Variants in SCP2 observed in about 807,000 individuals in gnomAD.
The protein encoded by SCP2 is sterol carrier protein 2.
Under a neutral mutation model 71.4 loss-of-function variants are expected in SCP2, and 48 were observed. The observed-to-expected ratio is 0.67, with a 90% CI of 0.53 to 0.86. The LOEUF is 0.86. SCP2 is among the 40% of genes least tolerant of loss of function. The pLI is 0.00. For missense variants in SCP2, 560 were observed against 655.6 expected, an observed-to-expected ratio of 0.85 and a Z score of 1.59; for synonymous variants, 220 against 218.1, an observed-to-expected ratio of 1.01 and a Z score of -0.08.
intron 11 of SCP2, among the ~76,000 whole-genome samples, chr1:52,990,733 C>CAAAAA (rs61221989): frequency 8.0e-5 from 5 of 62,422 alleles, no homozygotes; most frequent in Admixed American, 2.5e-4. Context: ...GACTCCGTCT[C>CAAAAA]AAAAAAAAAA....
chr1:53,022,973 T>TA (rs994970327), intron 12 of SCP2, among the ~76,000 whole-genome samples: 27 of 152,174 alleles, frequency 1.8e-4, no homozygotes, highest in African/African-American at 6.0e-4. Flanking sequence ...TAAACCAAAT[T>TA]AAAAAAATAA....
intron 11 of SCP2, among the ~76,000 whole-genome samples, chr1:52,999,559 A>G (rs926777158): frequency 6.6e-6 from 1 of 152,212 alleles, no homozygotes; most frequent in Admixed American, 6.5e-5. Context: ...TCTACCTGCC[A>G]TAACAGTATC....
chr1:52,959,623 C>T (rs1656151321), intron 5 of SCP2, among the ~76,000 whole-genome samples: 1 of 151,652 alleles, frequency 6.6e-6, no homozygotes, highest in Non-Finnish European at 1.5e-5. Flanking sequence ...TTGAGGTTGT[C>T]TATTTTTTTT....
At chr1:53,002,528 G>A (rs926109733) in intron 11 of SCP2, among the ~76,000 whole-genome samples, 1 of 152,188 alleles carries the variant, frequency 6.6e-6, no homozygotes, top group Non-Finnish European at 1.5e-5. Context: ...CAGAGAGGCT[G>A]TGCACAAAAA....
At chr1:53,026,672 TG>T (rs1384015446) in intron 12 of SCP2, among the ~76,000 whole-genome samples, 1 of 152,098 alleles carries the variant, frequency 6.6e-6, no homozygotes, top group Non-Finnish European at 1.5e-5. Flanking sequence ...TAGCTGGGCA[TG>T]GTGGCATGCG....
chr1:53,031,405 A>G (rs1246237896), intron 13 of SCP2, among the ~76,000 whole-genome samples: 3 of 152,204 alleles, frequency 2.0e-5, no homozygotes, highest in Non-Finnish European at 4.4e-5. Context: ...AGAAAGTAAA[A>G]GTCTTGGAAT....
chr1:52,993,789 G>A (rs6657017), intron 11 of SCP2: 147,666 of 1,553,910 alleles, frequency 0.095, 11,026 homozygotes, highest in East Asian at 0.32. Context: ...TCCTCCCCCA[G>A]CACCAAGAGG....
intron 13 of SCP2, among the ~76,000 whole-genome samples, chr1:53,037,948 TATACAC>T (rs1557627905): frequency 1.1e-5 from 1 of 88,262 alleles, no homozygotes; most frequent in Non-Finnish European, 2.4e-5. Context: ...ATCCTGTCTC[TATACAC>T]ACACACACAC....
Position 52,961,599 on chromosome 1 carries a change from T to C in SCP2, c.493T>C (p.Tyr165His). The C allele has an allele frequency of 6.2e-7, 1 of 1,613,926 alleles. No homozygotes were observed. The highest frequency in any genetic ancestry group is 1.3e-5 in the African/African-American group (1 of 75,020). The change falls in exon 6 of 16, where the codon TAT becomes CAT. Residue 165 changes from tyrosine (Y) to histidine (H), a missense_variant. By Grantham distance (83) the Tyr-to-His change is moderately conservative. This residue lies in a region of SCP2 where 513 missense variants were observed against 573.1 expected (regional missense o/e 0.90). Coordinates refer to ENST00000371514, the MANE Select transcript of SCP2 (RefSeq NM_002979.5). ...CCCAGTTGCTCCTCAGATGTTTGGGTATGCTGGAAAAGAACATATGGAAAA... is the reference window on the plus strand; with the variant it reads ...CCCAGTTGCTCCTCAGATGTTTGGGCATGCTGGAAAAGAACATATGGAAAA... ...AHPVAPQMFG[Y>H]AGKEHMEKYG...
chr1:52,948,204 T>C (rs1654974482), intron 3 of SCP2, 124 bp downstream of exon 3: 1 of 721,486 alleles, frequency 1.4e-6, no homozygotes, highest in African/African-American at 1.8e-5. Context: ...ATTATATTTG[T>C]ATTGAAGAAA....
rs764696541 is a variant in SCP2 at position 52,927,376 on chromosome 1, C to T, written c.-21C>T. On this transcript the variant is annotated 5_prime_UTR_variant, in exon 1 of 16. Coordinates refer to ENST00000371514, the MANE Select transcript of SCP2 (RefSeq NM_002979.5). ...CGGCAGTCGTCCGCGGCGCCCGCCC[C>T]GGTCCCGCACTGGTGCAGCCATGTC... 8 of 1,569,410 alleles carry T rather than the reference C, an allele frequency of 5.1e-6. No individual in the cohort carries two copies. The South Asian group carries it at 7.0e-5, about 14-fold the overall frequency.
chr1:52,934,026 T>C (rs2150098113), intron 1 of SCP2, among the ~76,000 whole-genome samples: 1 of 152,340 alleles, frequency 6.6e-6, no homozygotes, highest in South Asian at 2.1e-4. Context: ...GCAGAAAACA[T>C]TGGTTAATTT....
chr1:53,027,899 C>A, intron 12 of SCP2, 70 bp from the exon 13 acceptor site: 1 of 850,784 alleles, frequency 1.2e-6, no homozygotes, highest in South Asian at 1.5e-5. Flanking sequence ...TTGAAAATTA[C>A]TATTTTATAA....
chr1:52,969,300 G>T (rs561250241), intron 6 of SCP2, among the ~76,000 whole-genome samples: 53 of 152,156 alleles, frequency 3.5e-4, no homozygotes, highest in African/African-American at 1.3e-3. Flanking sequence ...GCTGAGGCAG[G>T]TAGATCGCTT....
Position 52,985,959 on chromosome 1 carries a change from A to G in SCP2, c.974-2070A>G, listed in dbSNP as rs142922275. 3.5e-3 allele frequency among the ~76,000 whole-genome samples: 537 copies of G among 151,746 alleles called. 2 individuals carry two copies. Among genetic ancestry groups the G allele is most frequent in the African/African-American group, 9.1e-3 (376 of 41,362 alleles). On this transcript the variant is annotated intron_variant, in intron 10 of 15. Coordinates refer to ENST00000371514, the MANE Select transcript of SCP2 (RefSeq NM_002979.5). Reference sequence around the variant, plus strand: ...CTTTTTTCCCTTGGCATTTATCACCACTTTACATATTTCTTTACTTATTTT... The same window carrying G: ...CTTTTTTCCCTTGGCATTTATCACCGCTTTACATATTTCTTTACTTATTTT...
chr1:53,021,597 G>A (rs1220943879), intron 12 of SCP2, among the ~76,000 whole-genome samples: 3 of 151,474 alleles, frequency 2.0e-5, no homozygotes, highest in Admixed American at 2.0e-4. Context: ...TGGGATTACA[G>A]GCATGAGCCA....
chr1:52,978,841 C>T (rs924613437), intron 9 of SCP2, among the ~76,000 whole-genome samples: 1 of 152,064 alleles, frequency 6.6e-6, no homozygotes, highest in African/African-American at 2.4e-5. Flanking sequence ...GGATTACAGG[C>T]GTGAATCACC....
In SCP2 at chr1:53,051,130, A is replaced by G. The variant is rs1664174749; in HGVS notation, c.*426A>G. 6.3e-6 allele frequency: 1 copy of G among 159,772 alleles called. No homozygotes were observed. The highest frequency in any genetic ancestry group is 1.8e-4 in the South Asian group (1 of 5,644). 9.9% of individuals were successfully genotyped at this position (159,772 alleles called of 1,614,324 possible). Reference sequence around the variant, plus strand: ...ACACAATGCCAACAGCTGGCCAGTAATTAGTGTTGTGCACTTCATGTCATT... The same window carrying G: ...ACACAATGCCAACAGCTGGCCAGTAGTTAGTGTTGTGCACTTCATGTCATT... On this transcript the variant is annotated 3_prime_UTR_variant, in exon 16 of 16. Transcript: ENST00000371514.
chr1:52,951,339 A>C (rs1040035735), intron 4 of SCP2, among the ~76,000 whole-genome samples: 10 of 151,668 alleles, frequency 6.6e-5, no homozygotes, highest in African/African-American at 2.4e-4. Flanking sequence ...GGTGGCTCAC[A>C]CTCGTAATTT....
Sources: gnomAD v4.1 joint callset for allele counts (sites outside exome capture counted in the v4.1 genomes callset) on GRCh38, gnomAD v4.1.1 for gene constraint, gnomAD v4.1.1 regional missense constraint, MANE v1.5 for transcripts, NCBI Gene and HGNC (gene_info 2026-07-23, HGNC 2026-07-21) for gene names.